The following KRT33A variants were observed in gnomAD, a reference collection of about 807,000 sequenced individuals.
KRT33A encodes keratin 33A, also known as keratin, type I cuticular Ha3-I.
Under a neutral mutation model 41.1 loss-of-function variants are expected in KRT33A, and 44 were observed. The observed-to-expected ratio is 1.07, with a 90% CI of 0.84 to 1.38. The LOEUF (loss-of-function observed/expected upper bound fraction) is 1.38, where lower values mean the gene tolerates loss of function less well. KRT33A is among the 40% of genes most tolerant of loss of function. The probability of loss-of-function intolerance (pLI) is 0.00; values close to 1 mark genes in which losing one functional copy is unlikely to be tolerated. For synonymous variants in KRT33A, 229 were observed against 227.8 expected, an observed-to-expected ratio of 1.01 and a Z score of -0.05; for missense variants, 536 against 518.5, an observed-to-expected ratio of 1.03 and a Z score of -0.33.
At chr17:41,347,571 G>C (rs550723983) in intron 3 of KRT33A, among the ~76,000 whole-genome samples, 2 of 152,322 alleles carry the variant, frequency 1.3e-5, no homozygotes, top group South Asian at 4.1e-4. Flanking sequence ...AGCCTCACAT[G>C]TTTGACTCTT....
Position 41,346,646 on chromosome 17 carries a change from A to G in KRT33A, c.899T>C (p.Leu300Pro), listed in dbSNP as rs1385408522. The G allele has an allele frequency of 6.2e-7, 1 of 1,614,214 alleles. No individual in the cohort carries two copies. Among genetic ancestry groups the G allele is most frequent in the Non-Finnish European group, 8.5e-7 (1 of 1,180,042 alleles). ...GCTGTAGCGGGCCTCGCTCTCTGTCAGCGTGTTTTCCAGAGAGTCTCGCTG... is the reference window on the plus strand; with the variant it reads ...GCTGTAGCGGGCCTCGCTCTCTGTCGGCGTGTTTTCCAGAGAGTCTCGCTG... ...HNLRDSLENT[L>P]TESEARYSSQ... Residue 300 changes from leucine to proline, a missense_variant, in exon 6 of 7, where the codon CTG becomes CCG. Coordinates refer to ENST00000007735, the MANE Select transcript of KRT33A (RefSeq NM_004138.4).
Position 41,347,240 on chromosome 17 carries a change from A to T in KRT33A, c.589-18T>A, listed in dbSNP as rs748431144. On this transcript the variant is annotated intron_variant, in intron 3 of 6. Coordinates refer to ENST00000007735, the MANE Select transcript of KRT33A (RefSeq NM_004138.4). The stretch of plus-strand genomic sequence containing the variant: ...TTAACCTCCTGATGGAGAAAGGGCA[A>T]AATTTTAAATTTCACAAAGGATCTT... The T allele has an allele frequency of 6.3e-6, 10 of 1,579,534 alleles. No homozygotes were observed. In the Admixed American group the frequency reaches 7.7e-5, roughly 12 times the overall value.
chr17:41,347,626 A>G (rs2017444966), intron 3 of KRT33A, among the ~76,000 whole-genome samples: 1 of 152,282 alleles, frequency 6.6e-6, no homozygotes, highest in Non-Finnish European at 1.5e-5. Context: ...AAGAGGAAAT[A>G]CAGAATGCTT....
intron 2 of KRT33A, 23 bp downstream of exon 2, chr17:41,349,323 C>T: frequency 1.2e-6 from 2 of 1,611,854 alleles, no homozygotes; most frequent in Non-Finnish European, 1.7e-6. Flanking sequence ...AAATAAACAG[C>T]AACACCCCGC....
intron 3 of KRT33A, 65 bp downstream of exon 3, chr17:41,348,418 G>T: frequency 6.4e-7 from 1 of 1,574,182 alleles, no homozygotes; most frequent in Non-Finnish European, 8.7e-7. Context: ...GCCTGTCCTG[G>T]ACCCTGTGGC....
At chr17:41,349,482 A>G in intron 1 of KRT33A, 54 bp from the exon 2 acceptor site, 2 of 1,576,644 alleles carry the variant, frequency 1.3e-6, no homozygotes, top group East Asian at 2.2e-5. Flanking sequence ...TTTTTCACCA[A>G]TGGCAGTCCT....
intron 2 of KRT33A, among the ~76,000 whole-genome samples, chr17:41,348,845 T>C (rs1278512116): frequency 6.6e-6 from 1 of 152,116 alleles, no homozygotes; most frequent in Non-Finnish European, 1.5e-5. Flanking sequence ...TCTATATTCC[T>C]AGCTATTCAG....
At chr17:41,350,305 A>C in intron 1 of KRT33A, 115 bp downstream of exon 1, 1 of 1,281,294 alleles carries the variant, frequency 7.8e-7, no homozygotes, top group Non-Finnish European at 1.1e-6. Context: ...AACAAAATGG[A>C]AAGGCCAGTT....
At chr17:41,346,285 A>T (rs1567664140) in intron 6 of KRT33A, 49 bp from the exon 7 acceptor site, 1 of 1,589,838 alleles carries the variant, frequency 6.3e-7, no homozygotes. Context: ...TGAGCTGAAG[A>T]GATTGGAAAA....
rs771388939 is a variant in KRT33A, at chr17:41,348,492, G to A, written c.579C>T (p.Asn193=). 6 of 1,613,994 alleles carry A rather than the reference G, an allele frequency of 3.7e-6. No individual in the cohort carries two copies. Among genetic ancestry groups the A allele is most frequent in the Non-Finnish European group, 2.5e-6 (3 of 1,180,006 alleles). The change falls in exon 3 of 7, where the codon AAC becomes AAT. Residue 193 remains asparagine (N), a synonymous_variant. Coordinates refer to ENST00000007735, the MANE Select transcript of KRT33A (RefSeq NM_004138.4). ...TCTTCAGGGAACTCACCTGCTCATG[G>A]TTCTGCTTGAGGCACAGCAGCTCCT... ...LKEELLCLKQ[N]HEQEVNTLRC...
In KRT33A at chr17:41,350,315, T is replaced by C; in HGVS notation, c.348+105A>G. 5 of 1,375,456 alleles carry C rather than the reference T, an allele frequency of 3.6e-6. No homozygotes were observed. In the South Asian group the frequency reaches 5.7e-5, roughly 16 times the overall value. 85.2% of individuals were successfully genotyped at this position (1,375,456 alleles called of 1,614,324 possible). ...CAAAAAACAAAATGGAAAGGCCAGT[T>C]TTCAGCTTTTCATTCACATCAAGAG... On this transcript the variant is annotated intron_variant, in intron 1 of 6. Transcript: ENST00000007735.
At chr17:41,348,133 G>A (rs1419163890) in intron 3 of KRT33A, among the ~76,000 whole-genome samples, 2 of 152,174 alleles carry the variant, frequency 1.3e-5, no homozygotes, top group African/African-American at 2.4e-5. Flanking sequence ...TCTGCCTGAT[G>A]GGCCTAGGCC....
rs968662659 is a variant in KRT33A at position 41,350,726 on chromosome 17, G to A, written c.42C>T (p.Thr14=). ...SCGLPSLSCR[T]SCSSRPCVPP... ...GCACACAGGGCCGGGAGGAGCAGCTGGTGCGGCAGCTCAGGCTGGGCAGGC... is the reference window on the plus strand; with the variant it reads ...GCACACAGGGCCGGGAGGAGCAGCTAGTGCGGCAGCTCAGGCTGGGCAGGC... The change falls in exon 1 of 7, where the codon ACC becomes ACT. Residue 14 remains threonine, a synonymous_variant. Transcript: ENST00000007735. 1 of 1,612,052 alleles carries A rather than the reference G, an allele frequency of 6.2e-7. No individual in the cohort carries two copies. Among genetic ancestry groups the A allele is most frequent in the East Asian group, 2.2e-5 (1 of 44,862 alleles).
chr17:41,350,621 C>T lies in KRT33A; in HGVS notation c.147G>A (p.Glu49=), dbSNP rs2017494612. The T allele has an allele frequency of 2.5e-6, 4 of 1,612,658 alleles. No homozygotes were observed. The South Asian group carries it at 3.3e-5, about 13-fold the overall frequency. The part of the protein sequence containing the change: ...ANVSNCNWFC[E]GSFNGSEKET... ...CCTTCTCACTGCCATTGAAGGAGCC[C>T]TCACAGAACCAGTTGCAGTTGCTCA... The change falls in exon 1 of 7, where the codon GAG becomes GAA. Residue 49 remains glutamate (E), a synonymous_variant. Transcript: ENST00000007735.
Position 41,346,617 on chromosome 17 carries a change from G to C in KRT33A, c.928C>G (p.Gln310Glu). 6.2e-7 allele frequency: 1 copy of C among 1,614,250 alleles called. No individual in the cohort carries two copies. The highest frequency in any genetic ancestry group is 8.5e-7 in the Non-Finnish European group (1 of 1,180,050). Residue 310 changes from glutamine to glutamate, a missense_variant, in exon 6 of 7, where the codon CAG becomes GAG. Gln to Glu is a conservative substitution (Grantham distance 29). Coordinates refer to ENST00000007735, the MANE Select transcript of KRT33A (RefSeq NM_004138.4). ...ATCAGTCTCTGCACCTGGGACAGCT[G>C]GGAGCTGTAGCGGGCCTCGCTCTCT... is the stretch of plus-strand genomic sequence containing the variant. ...LTESEARYSSQLSQVQRLITN... is the reference protein window; with the variant it reads ...LTESEARYSSELSQVQRLITN...
chr17:41,348,432 T>A (rs759952071), intron 3 of KRT33A, 51 bp downstream of exon 3: 1 of 1,605,902 alleles, frequency 6.2e-7, no homozygotes, highest in Admixed American at 1.7e-5. Flanking sequence ...CTGTGGCAGT[T>A]GTGAAACAGG....
chr17:41,346,331 C>T (rs1019657795), intron 6 of KRT33A, 95 bp from the exon 7 acceptor site: 1 of 1,576,028 alleles, frequency 6.3e-7, no homozygotes, highest in Admixed American at 1.7e-5. Context: ...ATTGTTCCTC[C>T]TTGGACTTCC....
chr17:41,346,809 C>T (rs780438290), intron 5 of KRT33A, 35 bp downstream of exon 5: 49 of 1,609,806 alleles, frequency 3.0e-5, no homozygotes, highest in Non-Finnish European at 4.2e-5. Context: ...CTCCCAAGTT[C>T]CCATCGCTCA....
Position 41,348,630 on chromosome 17 carries a change from GGTCTCATATCTGT to G in KRT33A, c.432-4_440del. On this transcript the variant is annotated splice_acceptor_variant and splice_polypyrimidine_tract_variant and coding_sequence_variant and intron_variant, in exon 3 of 7. Coordinates refer to ENST00000007735, the MANE Select transcript of KRT33A (RefSeq NM_004138.4). LOFTEE classifies it high-confidence loss of function. ...CCACCAGCTGCCGCAGGGACAGCTC[GGTCTCATATCTGT>G]GATCACAGGAGGGTCAGGAACAGGC... 2 of 1,614,112 alleles carry G rather than the reference GGTCTCATATCTGT, an allele frequency of 1.2e-6. No individual in the cohort carries two copies. The highest frequency in any genetic ancestry group is 1.7e-6 in the Non-Finnish European group (2 of 1,180,030).
Sources: allele counts gnomAD v4.1 joint callset (sites outside exome capture counted in the v4.1 genomes callset), GRCh38; gene constraint gnomAD v4.1.1; transcripts MANE v1.5; gene names NCBI Gene and HGNC (gene_info 2026-07-23, HGNC 2026-07-21).